PRKG1: variants seen among roughly 807,000 people sequenced by gnomAD.
PRKG1 encodes the protein cGMP-dependent protein kinase 1.
A neutral mutation model predicts 88.1 loss-of-function variants in PRKG1; 35 were observed. The ratio of observed to expected loss-of-function variants is 0.40; its 90% CI spans 0.30 to 0.53. PRKG1 has a LOEUF of 0.53. Ranked by LOEUF, PRKG1 falls within the 20% of genes least tolerant of loss-of-function variation. The pLI, the probability that PRKG1 is intolerant of heterozygous loss-of-function variation, is 0.59. For synonymous variants in PRKG1, 303 were observed against 292.5 expected (o/e 1.04, Z -0.37); for missense variants, 540 against 839.8 (o/e 0.64, Z 4.41).
intron 1 of PRKG1, among the ~76,000 whole-genome samples, chr10:51,136,189 C>G (rs1451488230): frequency 2.6e-5 from 4 of 151,720 alleles, no homozygotes; most frequent in Non-Finnish European, 5.9e-5. Flanking sequence ...GGGATAAGTT[C>G]GAAGGTGACC....
intron 3 of PRKG1, among the ~76,000 whole-genome samples, chr10:51,573,212 G>A (rs1406696494): frequency 2.0e-5 from 3 of 151,756 alleles, no homozygotes; most frequent in African/African-American, 7.3e-5. Context: ...GGTAAACAGA[G>A]CCCCAGCCAT....
chr10:51,914,698 T>C (rs1235675188), intron 5 of PRKG1, among the ~76,000 whole-genome samples: 3 of 152,216 alleles, frequency 2.0e-5, no homozygotes, highest in African/African-American at 7.2e-5. Flanking sequence ...TTAAGAACTC[T>C]CTACCTTTGA....
intron 7 of PRKG1, chr10:52,127,971 A>G (rs1470447254): frequency 6.4e-6 from 6 of 943,582 alleles, no homozygotes; most frequent in African/African-American, 1.8e-5. Context: ...CCAACTCTAC[A>G]ATTCTTGTTT....
At chr10:51,592,805 A>T (rs1027840858) in intron 3 of PRKG1, among the ~76,000 whole-genome samples, 46 of 152,312 alleles carry the variant, frequency 3.0e-4, no homozygotes, top group African/African-American at 9.6e-4. Context: ...TATTCTGACC[A>T]GTTTGTATGC....
chr10:51,012,994 G>T (rs1312834965), intron 1 of PRKG1, among the ~76,000 whole-genome samples: 1 of 152,160 alleles, frequency 6.6e-6, no homozygotes, highest in Non-Finnish European at 1.5e-5. Context: ...GCATGTTTGA[G>T]GTCCAGAAAA....
At chr10:51,085,507 T>C (rs1192314445) in intron 1 of PRKG1, among the ~76,000 whole-genome samples, 2 of 152,078 alleles carry the variant, frequency 1.3e-5, no homozygotes, top group Non-Finnish European at 2.9e-5. Flanking sequence ...TGAATCATAG[T>C]CTTCATTCTC....
In PRKG1 at chr10:51,580,424, C is replaced by T. The variant is rs577378521; in HGVS notation, c.592+112588C>T. Reference sequence around the variant, plus strand: ...AACACATGGTATTATTAGACTTTAGCCGTTGACAGTATAATAGATTTGAAA... The same window carrying T: ...AACACATGGTATTATTAGACTTTAGTCGTTGACAGTATAATAGATTTGAAA... On this transcript the variant is annotated intron_variant, in intron 3 of 17. Transcript: ENST00000373980. Among the ~76,000 whole-genome samples, 304 of 152,150 alleles carry T rather than the reference C, an allele frequency of 2.0e-3. 2 individuals carry two copies. The highest frequency in any genetic ancestry group is 6.9e-3 in the African/African-American group (287 of 41,530).
At chr10:51,094,761 T>C (rs998809953) in intron 1 of PRKG1, among the ~76,000 whole-genome samples, 3 of 152,212 alleles carry the variant, frequency 2.0e-5, no homozygotes, top group Non-Finnish European at 4.4e-5. Context: ...GTGAGTTTTC[T>C]GCAAACGTAC....
chr10:51,817,117 A>G (rs537915506), intron 4 of PRKG1, among the ~76,000 whole-genome samples: 38 of 152,262 alleles, frequency 2.5e-4, no homozygotes, highest in Admixed American at 5.2e-4. Context: ...AACTCTGTAC[A>G]CTTAGCATTG....
chr10:52,025,939 A>G (rs949496978), intron 5 of PRKG1, among the ~76,000 whole-genome samples: 1 of 151,838 alleles, frequency 6.6e-6, no homozygotes, highest in African/African-American at 2.4e-5. Context: ...TACAGTAGCC[A>G]AAACAGCATG....
chr10:52,288,985 A>G lies in PRKG1; in HGVS notation c.1887A>G (p.Gln629=), dbSNP rs752129780. 6.2e-7 allele frequency: 1 copy of G among 1,608,896 alleles called. No homozygotes were observed. Among genetic ancestry groups the G allele is most frequent in the African/African-American group, 1.3e-5 (1 of 74,728 alleles). The change falls in exon 16 of 18, where the codon CAA becomes CAG. Residue 629 remains glutamine, a synonymous_variant. Coordinates refer to ENST00000373980, the MANE Select transcript of PRKG1 (RefSeq NM_006258.4). ...TGAAAAATGGAGTAAAAGACATTCA[A>G]AAGCACAAGTAAGTGTTCTTTCTGC... ...GNLKNGVKDI[Q]KHKWFEGFNW...
At chr10:52,143,842 AAATC>A (rs748956124) in intron 8 of PRKG1, among the ~76,000 whole-genome samples, 1 of 142,300 alleles carries the variant, frequency 7.0e-6, no homozygotes, top group Non-Finnish European at 1.5e-5. Context: ...GAGAGGGAAT[AAATC>A]AATTATCCAT....
intron 4 of PRKG1, among the ~76,000 whole-genome samples, chr10:51,897,867 AT>A (rs58531093): frequency 0.06 from 8,984 of 149,290 alleles, 335 homozygotes; most frequent in Middle Eastern, 0.11. Context: ...TGGCAGAAGG[AT>A]TTTTTTTTTT....
At chr10:51,119,078 A>G (rs1209112965) in intron 1 of PRKG1, among the ~76,000 whole-genome samples, 1 of 152,116 alleles carries the variant, frequency 6.6e-6, no homozygotes, top group African/African-American at 2.4e-5. Flanking sequence ...CACTACCTCC[A>G]AAACGCAATA....
Position 51,346,743 on chromosome 10 carries a change from G to A in PRKG1, c.479-120980G>A, listed in dbSNP as rs552087925. Among the ~76,000 whole-genome samples the A allele has an allele frequency of 7.8e-4, 119 of 152,264 alleles. 3 individuals are homozygous for A. Among genetic ancestry groups the A allele is most frequent in the Admixed American group, 7.7e-3 (117 of 15,290 alleles). The stretch of plus-strand genomic sequence containing the variant: ...CTTCACTGAATTTGACATCTGCAAA[G>A]CATATTTGATGTTAGATAATACTTT... On this transcript the variant is annotated intron_variant, in intron 2 of 17. Coordinates refer to ENST00000373980, the MANE Select transcript of PRKG1 (RefSeq NM_006258.4).
At chr10:51,600,991 A>G (rs1044179665) in intron 3 of PRKG1, among the ~76,000 whole-genome samples, 16 of 136,554 alleles carry the variant, frequency 1.2e-4, no homozygotes, top group Non-Finnish European at 3.1e-5. Context: ...GAGGAGGAAG[A>G]CAGCAGGGGG....
chr10:51,663,536 C>A (rs1426364034), intron 3 of PRKG1, among the ~76,000 whole-genome samples: 1 of 150,408 alleles, frequency 6.6e-6, no homozygotes, highest in Non-Finnish European at 1.5e-5. Context: ...AAGACCCCAT[C>A]TCTACAAAAA....
At chr10:51,241,576 G>A (rs1839153620) in intron 2 of PRKG1, among the ~76,000 whole-genome samples, 1 of 152,078 alleles carries the variant, frequency 6.6e-6, no homozygotes, top group African/African-American at 2.4e-5. Flanking sequence ...TCCTCCTAAG[G>A]CAAGAATAAA....
intron 7 of PRKG1, among the ~76,000 whole-genome samples, chr10:52,105,440 G>A (rs910094133): frequency 2.0e-5 from 3 of 152,124 alleles, no homozygotes; most frequent in Non-Finnish European, 1.5e-5. Flanking sequence ...GAAGGGCCAC[G>A]TAGAATTAAG....
Sources: allele counts gnomAD v4.1 joint callset (sites outside exome capture counted in the v4.1 genomes callset), GRCh38; gene constraint gnomAD v4.1.1; transcripts MANE v1.5; gene names NCBI Gene and HGNC (gene_info 2026-07-23, HGNC 2026-07-21).